CSNK1G1: variants seen among roughly 807,000 people sequenced by gnomAD.
CSNK1G1 encodes casein kinase 1 gamma 1, also known as casein kinase I isoform gamma-1.
A neutral mutation model predicts 59.6 loss-of-function variants in CSNK1G1; 22 were observed. The ratio of observed to expected loss-of-function variants is 0.37; its 90% confidence interval spans 0.26 to 0.53. The LOEUF (loss-of-function observed/expected upper bound fraction) is 0.53. CSNK1G1 is among the 20% of genes least tolerant of loss of function. CSNK1G1 has a pLI of 0.89. For synonymous variants in CSNK1G1, 179 were observed against 177.1 expected (o/e 1.01, Z -0.08); for missense variants, 384 against 519.5 (o/e 0.74, Z 2.54).
At chr15:64,225,134 G>A (rs1008788615) in intron 4 of CSNK1G1, among the ~76,000 whole-genome samples, 3 of 148,978 alleles carry the variant, frequency 2.0e-5, no homozygotes, top group African/African-American at 5.0e-5. Flanking sequence ...TCAGCCACCC[G>A]AGTGGCTGGG....
rs188486481 is a variant in CSNK1G1 at position 64,193,362 on chromosome 15, G to C, written c.1107+9720C>G. ...AAAAAAATTAGCCAGGCATGGTGGT[G>C]CACACCTGTAGTCCCAGCTACTCGG... On this transcript the variant is annotated intron_variant, in intron 10 of 11. Transcript: ENST00000303052. Among the ~76,000 whole-genome samples the C allele has an allele frequency of 1.1e-3, 163 of 151,922 alleles. 2 individuals carry two copies. In the East Asian group the frequency reaches 0.03, roughly 28 times the overall value.
chr15:64,195,576 C>T (rs1413132684), intron 10 of CSNK1G1, among the ~76,000 whole-genome samples: 1 of 152,204 alleles, frequency 6.6e-6, no homozygotes, highest in Admixed American at 6.5e-5. Flanking sequence ...AAACCTATGA[C>T]AGTACAATAT....
chr15:64,292,013 A>G (rs1259417922), intron 2 of CSNK1G1, among the ~76,000 whole-genome samples: 2 of 152,046 alleles, frequency 1.3e-5, no homozygotes, highest in African/African-American at 4.8e-5. Context: ...CCTGGCTAAC[A>G]TGGTGAAACC....
At chr15:64,196,698 C>T (rs957843281) in intron 10 of CSNK1G1, among the ~76,000 whole-genome samples, 10 of 151,842 alleles carry the variant, frequency 6.6e-5, no homozygotes, top group South Asian at 2.1e-4. Context: ...GTGATCCGCC[C>T]GCCTCGGCCT....
intron 4 of CSNK1G1, among the ~76,000 whole-genome samples, chr15:64,217,249 C>A (rs1244960461): frequency 6.6e-6 from 1 of 152,154 alleles, no homozygotes; most frequent in African/African-American, 2.4e-5. Flanking sequence ...CCTCTTTTCA[C>A]AGGGAGTCTC....
chr15:64,300,248 T>C (rs1781949765), intron 2 of CSNK1G1, 71 bp downstream of exon 2: 2 of 1,444,634 alleles, frequency 1.4e-6, no homozygotes, highest in Admixed American at 2.0e-5. Context: ...AAACGGCTTG[T>C]CTTGAAACAC....
chr15:64,194,494 T>TTTCTC (rs1359745981), intron 10 of CSNK1G1, among the ~76,000 whole-genome samples: 6 of 150,764 alleles, frequency 4.0e-5, no homozygotes, highest in Non-Finnish European at 2.9e-5. Flanking sequence ...TATTTTTCTT[T>TTTCTC]TTCTCTTCTT....
At chr15:64,296,504 C>T (rs1403706096) in intron 2 of CSNK1G1, among the ~76,000 whole-genome samples, 1 of 152,146 alleles carries the variant, frequency 6.6e-6, no homozygotes, top group Non-Finnish European at 1.5e-5. Context: ...GAGACAAAAA[C>T]TATATCTTCT....
chr15:64,324,749 G>A (rs1896757262), intron 1 of CSNK1G1, among the ~76,000 whole-genome samples: 1 of 152,154 alleles, frequency 6.6e-6, no homozygotes, highest in Admixed American at 6.6e-5. Context: ...TCCTTCTAGA[G>A]AACCCTGACT....
intron 1 of CSNK1G1, among the ~76,000 whole-genome samples, chr15:64,307,188 A>G (rs2140414843): frequency 6.6e-6 from 1 of 152,214 alleles, no homozygotes; most frequent in Middle Eastern, 3.4e-3. Context: ...ACTACTACAA[A>G]TGTAGCATAG....
chr15:64,203,234 C>T (rs1209023405), intron 9 of CSNK1G1, 45 bp from the exon 10 acceptor site: 10 of 1,203,058 alleles, frequency 8.3e-6, no homozygotes, highest in Non-Finnish European at 1.1e-5. Context: ...ACAGGTCCAA[C>T]TTGATGCATA....
At position 64,355,975 on chromosome 15, in the gene CSNK1G1, G is replaced by A. The variant is rs1596313441; in HGVS notation, c.-225+13C>T. 1 of 147,024 alleles carries A rather than the reference G, an allele frequency of 6.8e-6. No individual in the cohort carries two copies. The highest frequency in any genetic ancestry group is 2.0e-4 in the East Asian group (1 of 4,918). The allele number at this position is 147,024 out of a possible 1,614,324, so 9.1% of individuals were successfully genotyped here. On this transcript the variant is annotated intron_variant, in intron 1 of 11. Transcript: ENST00000303052. ...CTTCAGCCTACAGAACCCCGACGAA[G>A]CCGGGCAGATACCTGGTCCAGCAGT... is the stretch of plus-strand genomic sequence containing the variant.
Position 64,166,578 on chromosome 15 carries a change from C to T in CSNK1G1, c.*5353G>A, listed in dbSNP as rs1400700308. 6.5e-6 allele frequency: 1 copy of T among 152,690 alleles called. No homozygotes were observed. Among genetic ancestry groups the T allele is most frequent in the African/African-American group, 2.4e-5 (1 of 41,456 alleles). The allele number at this position is 152,690 out of a possible 1,614,324, so 9.5% of individuals were successfully genotyped here. A position where few individuals can be genotyped will look rare whatever the true frequency, so the allele number is the denominator to read the frequency against. On this transcript the variant is annotated 3_prime_UTR_variant, in exon 12 of 12. Coordinates refer to ENST00000303052, the MANE Select transcript of CSNK1G1 (RefSeq NM_022048.5). This position sits in a 1 kb window ranked among gnomAD's most constrained non-coding sequence, Gnocchi z 4.5. The stretch of plus-strand genomic sequence containing the variant: ...CACACACCACACACACACACAGACA[C>T]GCAGTCACACACTTCCATCTGTAAA...
intron 1 of CSNK1G1, among the ~76,000 whole-genome samples, chr15:64,319,255 T>C (rs56015541): frequency 0.019 from 2,822 of 152,248 alleles, 32 homozygotes; most frequent in Non-Finnish European, 0.027. Context: ...TAAAACCTGG[T>C]ATCATCCAGA....
intron 4 of CSNK1G1, among the ~76,000 whole-genome samples, chr15:64,223,853 C>A (rs1174347689): frequency 1.3e-5 from 2 of 152,142 alleles, no homozygotes; most frequent in Non-Finnish European, 2.9e-5. Context: ...GAATGTAGAA[C>A]ACTAGAGCTA....
At chr15:64,296,330 AT>A (rs894989946) in intron 2 of CSNK1G1, among the ~76,000 whole-genome samples, 2 of 152,068 alleles carry the variant, frequency 1.3e-5, no homozygotes, top group African/African-American at 4.8e-5. Flanking sequence ...CACGTTGCTC[AT>A]GTTGGTATTG....
chr15:64,323,836 C>T (rs1347474007), intron 1 of CSNK1G1, among the ~76,000 whole-genome samples: 1 of 152,204 alleles, frequency 6.6e-6, no homozygotes, highest in East Asian at 1.9e-4. Context: ...CAAAGCCTCT[C>T]TTTTCCCAGC....
At chr15:64,266,604 C>G (rs773184556) in intron 2 of CSNK1G1, among the ~76,000 whole-genome samples, 1 of 152,132 alleles carries the variant, frequency 6.6e-6, no homozygotes, top group Non-Finnish European at 1.5e-5. Flanking sequence ...AAGAATCACT[C>G]TACCCAATGC....
intron 4 of CSNK1G1, among the ~76,000 whole-genome samples, chr15:64,218,841 TA>T (rs1288219024): frequency 6.7e-6 from 1 of 149,386 alleles, no homozygotes. Context: ...GAAAAGGATT[TA>T]ATTTGAAGTG....
Sources: allele counts gnomAD v4.1 joint callset (sites outside exome capture counted in the v4.1 genomes callset), GRCh38; gene constraint gnomAD v4.1.1; non-coding constraint Gnocchi (gnomAD v3.1); transcripts MANE v1.5; gene names NCBI Gene and HGNC (gene_info 2026-07-23, HGNC 2026-07-21).